Variants in INPP5A observed in about 807,000 individuals in gnomAD.
INPP5A encodes the protein 43 kDa inositol polyphosphate 5-phophatase.
A neutral mutation model predicts 65.2 loss-of-function variants in INPP5A; 14 were observed. The observed-to-expected ratio is 0.21, with a 90% CI of 0.14 to 0.34. The LOEUF is 0.34. INPP5A is among the 10% of genes least tolerant of loss of function. INPP5A has a pLI of 1.00. For synonymous variants in INPP5A, 207 were observed against 208.3 expected (o/e 0.99, Z 0.05); for missense variants, 431 against 545.6 (o/e 0.79, Z 2.09).
intron 2 of INPP5A, among the ~76,000 whole-genome samples, chr10:132,641,545 A>AT (rs2072427847): frequency 6.6e-6 from 1 of 152,054 alleles, no homozygotes; most frequent in African/African-American, 2.4e-5. Flanking sequence ...CCAGAGGGCG[A>AT]TTTTCTGAGC....
At chr10:132,690,275 T>C (rs1416890995) in intron 4 of INPP5A, 117 bp from the exon 5 acceptor site, 3 of 729,592 alleles carry the variant, frequency 4.1e-6, no homozygotes, top group Non-Finnish European at 7.1e-6. Flanking sequence ...GATTAAATTA[T>C]AACTGGTGAA....
At chr10:132,632,997 C>T (rs1229387090) in intron 2 of INPP5A, among the ~76,000 whole-genome samples, 7 of 152,222 alleles carry the variant, frequency 4.6e-5, no homozygotes, top group Non-Finnish European at 8.8e-5. Flanking sequence ...TGAGAGCTTT[C>T]GAGCACACCA....
chr10:132,630,337 G>C (rs1270778072), intron 2 of INPP5A, among the ~76,000 whole-genome samples: 1 of 151,640 alleles, frequency 6.6e-6, no homozygotes, highest in Non-Finnish European at 1.5e-5. Context: ...GTCCTCTAGG[G>C]AAAGGCCTCC....
intron 11 of INPP5A, among the ~76,000 whole-genome samples, chr10:132,754,490 T>A (rs1846555092): frequency 6.6e-6 from 1 of 151,988 alleles, no homozygotes; most frequent in South Asian, 2.1e-4. Context: ...GCCTGGGGCA[T>A]CACAGTGGAC....
At chr10:132,655,504 C>T (rs1268147765) in intron 4 of INPP5A, among the ~76,000 whole-genome samples, 3 of 152,222 alleles carry the variant, frequency 2.0e-5, no homozygotes, top group Admixed American at 6.5e-5. Flanking sequence ...CAGGGAGCTC[C>T]GAGAACACAT....
intron 3 of INPP5A, among the ~76,000 whole-genome samples, chr10:132,649,267 G>A (rs143972213): frequency 5.6e-4 from 85 of 152,258 alleles, no homozygotes; most frequent in Middle Eastern, 3.4e-3. Context: ...CCGTCTGTGC[G>A]TTCCTTTCGC....
chr10:132,679,545 C>T (rs2073015852), intron 4 of INPP5A, among the ~76,000 whole-genome samples: 1 of 151,922 alleles, frequency 6.6e-6, no homozygotes, highest in Non-Finnish European at 1.5e-5. Flanking sequence ...GCTGTTATTC[C>T]CAAGTAGGAG....
intron 2 of INPP5A, among the ~76,000 whole-genome samples, chr10:132,623,713 A>G (rs186099144): frequency 1.9e-3 from 283 of 152,360 alleles, no homozygotes; most frequent in Non-Finnish European, 3.5e-3. Context: ...GAAAAGACAT[A>G]TCACAGATTG....
chr10:132,669,816 G>T (rs949057183), intron 4 of INPP5A, among the ~76,000 whole-genome samples: 2 of 151,984 alleles, frequency 1.3e-5, no homozygotes, highest in African/African-American at 2.4e-5. Context: ...GAAGGGCATT[G>T]TTCCCGTGTC....
intron 2 of INPP5A, among the ~76,000 whole-genome samples, chr10:132,625,996 G>T (rs77360365): frequency 6.6e-6 from 1 of 152,166 alleles, no homozygotes; most frequent in Non-Finnish European, 1.5e-5. Flanking sequence ...TATAGTGCCC[G>T]CCCCAACATA....
chr10:132,661,498 T>A (rs2072737053), intron 4 of INPP5A, among the ~76,000 whole-genome samples: 1 of 152,228 alleles, frequency 6.6e-6, no homozygotes, highest in Admixed American at 6.5e-5. Flanking sequence ...ACCTGTATAC[T>A]GAGAACTATG....
rs2070983615 is a variant in INPP5A, at chr10:132,547,028, A to G, written c.75+8857A>G. On this transcript the variant is annotated intron_variant, in intron 1 of 15. Transcript: ENST00000368594. This position sits in a 1 kb window ranked among gnomAD's most constrained non-coding sequence, Gnocchi z 5.5. ...ATGACTGGTCCTCATTCCAGGAACC[A>G]GAGGAGATTGAAGAACCCGAGACTT... Among the ~76,000 whole-genome samples the G allele has an allele frequency of 6.6e-6, 1 of 152,184 alleles. No individual in the cohort carries two copies. Among genetic ancestry groups the G allele is most frequent in the African/African-American group, 2.4e-5 (1 of 41,446 alleles).
chr10:132,645,776 T>G, intron 2 of INPP5A, 92 bp from the exon 3 acceptor site: 1 of 969,170 alleles, frequency 1.0e-6, no homozygotes, highest in Non-Finnish European at 1.6e-6. Context: ...CCCTGGTGGC[T>G]CCCAGGCTGT....
At chr10:132,584,036 C>T (rs1452118218) in intron 1 of INPP5A, among the ~76,000 whole-genome samples, 1 of 152,234 alleles carries the variant, frequency 6.6e-6, no homozygotes, top group Non-Finnish European at 1.5e-5. Flanking sequence ...TGAACTGTGA[C>T]TGCGCCACGA....
intron 8 of INPP5A, among the ~76,000 whole-genome samples, chr10:132,719,259 C>T (rs1265316578): frequency 6.7e-6 from 1 of 148,696 alleles, no homozygotes. Context: ...TGTCTGGGCA[C>T]CTTAGACAGC....
chr10:132,621,065 C>G (rs976410775), intron 2 of INPP5A, among the ~76,000 whole-genome samples: 2 of 152,168 alleles, frequency 1.3e-5, no homozygotes, highest in African/African-American at 4.8e-5. Context: ...TGACACAATT[C>G]TGTAACCATT....
Position 132,707,637 on chromosome 10 carries a change from C to T in INPP5A, c.475-676C>T, listed in dbSNP as rs114516688. The stretch of plus-strand genomic sequence containing the variant: ...GGGCAGGAGGGCCTCCATGCCATCT[C>T]GAGGGGAGCCCTGCCACCTCTTAAA... On this transcript the variant is annotated intron_variant, in intron 6 of 15. Coordinates refer to ENST00000368594, the MANE Select transcript of INPP5A (RefSeq NM_005539.5). This position sits in a 1 kb window ranked among gnomAD's most constrained non-coding sequence, Gnocchi z 5.5. Among the ~76,000 whole-genome samples, 313 of 152,204 alleles carry T rather than the reference C, an allele frequency of 2.1e-3. 2 individuals are homozygous for T. Among genetic ancestry groups the T allele is most frequent in the Admixed American group, 9.4e-3 (144 of 15,300 alleles).
chr10:132,761,345 C>T (rs1016849783), intron 11 of INPP5A, among the ~76,000 whole-genome samples: 2 of 152,232 alleles, frequency 1.3e-5, no homozygotes, highest in Non-Finnish European at 2.9e-5. Flanking sequence ...ACTGTGGGGG[C>T]ATGTGTTCAT....
intron 11 of INPP5A, among the ~76,000 whole-genome samples, chr10:132,758,066 G>A (rs1468398309): frequency 2.8e-5 from 4 of 142,778 alleles, no homozygotes; most frequent in Non-Finnish European, 6.1e-5. Context: ...CCAGTGTGAT[G>A]TCGTGGGTCC....
Sources: allele counts gnomAD v4.1 joint callset (sites outside exome capture counted in the v4.1 genomes callset), GRCh38; gene constraint gnomAD v4.1.1; non-coding constraint Gnocchi (gnomAD v3.1); transcripts MANE v1.5; gene names NCBI Gene and HGNC (gene_info 2026-07-23, HGNC 2026-07-21).